Variants in METTL2B observed in about 807,000 individuals in gnomAD.
METTL2B encodes tRNA N(3)-cytidine methyltransferase METTL2B.
METTL2B carries 28 observed loss-of-function variants against 51.0 expected under a neutral mutation model. That is an observed-to-expected ratio of 0.55 (90% confidence interval 0.41 to 0.75). METTL2B has a LOEUF of 0.75. Ranked by LOEUF, METTL2B falls within the 30% of genes least tolerant of loss-of-function variation. The pLI is 0.00. For synonymous variants in METTL2B, 128 were observed against 166.3 expected (o/e 0.77, Z 1.77); for missense variants, 313 against 460.7 (o/e 0.68, Z 2.93).
chr7:128,485,744 T>A (rs1792690902), intron 4 of METTL2B, among the ~76,000 whole-genome samples: 2 of 151,170 alleles, frequency 1.3e-5, no homozygotes, highest in Admixed American at 1.3e-4. Context: ...GGCCAGAGGA[T>A]TGGTTGGGGC....
intron 2 of METTL2B, among the ~76,000 whole-genome samples, chr7:128,478,491 C>T (rs2116838990): frequency 6.7e-6 from 1 of 150,012 alleles, no homozygotes; most frequent in East Asian, 2.0e-4. Context: ...CCTCGTGATC[C>T]GCCCATCTTA....
intron 5 of METTL2B, among the ~76,000 whole-genome samples, chr7:128,490,182 A>G (rs1792803355): frequency 6.6e-6 from 1 of 152,208 alleles, no homozygotes. Context: ...TTTGATCTCA[A>G]TAAACCACTT....
At chr7:128,494,839 G>T (rs1184117674) in intron 6 of METTL2B, among the ~76,000 whole-genome samples, 2 of 150,944 alleles carry the variant, frequency 1.3e-5, no homozygotes, top group African/African-American at 4.9e-5. Flanking sequence ...TGTTGGCCAG[G>T]CTGGTCTTAA....
At chr7:128,498,513 G>A (rs1355104246) in intron 7 of METTL2B, among the ~76,000 whole-genome samples, 1 of 151,676 alleles carries the variant, frequency 6.6e-6, no homozygotes, top group Non-Finnish European at 1.5e-5. Flanking sequence ...AAAAAGGTAT[G>A]TGGCCACTAT....
At chr7:128,479,745 C>T (rs985880216) in intron 3 of METTL2B, among the ~76,000 whole-genome samples, 10 of 152,224 alleles carry the variant, frequency 6.6e-5, no homozygotes, top group Non-Finnish European at 1.2e-4. Context: ...TAGCATGTCA[C>T]TTCCAAAAAT....
chr7:128,477,283 A>T (rs1563025740), intron 2 of METTL2B, 110 bp downstream of exon 2: 1 of 1,441,220 alleles, frequency 6.9e-7, no homozygotes, highest in Non-Finnish European at 9.6e-7. Flanking sequence ...TCCTGGCCTG[A>T]TGCGGATCTC....
At chr7:128,483,158 A>G (rs948483835) in intron 4 of METTL2B, 3 of 152,196 alleles carry the variant, frequency 2.0e-5, no homozygotes, top group African/African-American at 7.2e-5. Context: ...GCCATTAATC[A>G]TCAATATCAT....
chr7:128,488,791 C>T (rs1388630492), intron 5 of METTL2B, among the ~76,000 whole-genome samples: 4 of 152,132 alleles, frequency 2.6e-5, no homozygotes, highest in Admixed American at 2.0e-4. Context: ...AAATTTAATA[C>T]ACAATTGCAT....
At chr7:128,499,052 C>T (rs1322265148) in intron 7 of METTL2B, among the ~76,000 whole-genome samples, 2 of 148,914 alleles carry the variant, frequency 1.3e-5, no homozygotes, top group Non-Finnish European at 1.5e-5. Context: ...TGTGGCATGA[C>T]AAAAGATGCC....
At chr7:128,494,864 A>G (rs1369145830) in intron 6 of METTL2B, among the ~76,000 whole-genome samples, 4 of 150,162 alleles carry the variant, frequency 2.7e-5, no homozygotes, top group East Asian at 2.0e-4. Context: ...TCACCTTGTG[A>G]TCTGCTTGCC....
chr7:128,479,385 T>C lies in METTL2B; in HGVS notation c.430T>C (p.Ser144Pro). Residue 144 changes from serine to proline, a missense_variant, in exon 3 of 9, where the codon TCT (serine) becomes CCT (proline). Transcript: ENST00000262432. ...AATAATGGAAGAACAGCACAAGTGT[T>C]CTTCGAAGAGCCTTGAACATAAAAC... ...GLIMEEQHKC[S>P]SKSLEHKTQT... 1.2e-6 allele frequency: 2 copies of C among 1,614,260 alleles called. No individual in the cohort carries two copies. The highest frequency in any genetic ancestry group is 1.7e-6 in the Non-Finnish European group (2 of 1,180,044).
At chr7:128,481,895 C>T (rs1799876882) in intron 4 of METTL2B, among the ~76,000 whole-genome samples, 2 of 152,210 alleles carry the variant, frequency 1.3e-5, no homozygotes, top group African/African-American at 4.8e-5. Flanking sequence ...CCTCTTGCCT[C>T]GGCCTCCCAA....
At chr7:128,494,027 C>T (rs1318309803) in intron 6 of METTL2B, 84 bp downstream of exon 6, 8 of 1,520,706 alleles carry the variant, frequency 5.3e-6, no homozygotes, top group African/African-American at 2.8e-5. Flanking sequence ...GGTCTTGCTC[C>T]GTCAGCCCAG....
In METTL2B at chr7:128,505,120, T is replaced by C; in HGVS notation, c.*3204T>C. On this transcript the variant is annotated 3_prime_UTR_variant, in exon 9 of 9. Coordinates refer to ENST00000262432, the MANE Select transcript of METTL2B (RefSeq NM_018396.3). ...CTCAAAAAAAAAAAAAAAAAAAAAT[T>C]AGCTGGGCATGGTGGTGGGCGCCTG... 1.3e-5 allele frequency: 1 copy of C among 78,826 alleles called. No individual in the cohort carries two copies. The highest frequency in any genetic ancestry group is 1.5e-4 in the Admixed American group (1 of 6,762). The allele number at this position is 78,826 out of a possible 1,614,324, so 4.9% of individuals were successfully genotyped here.
rs1461806180 is a variant in METTL2B at position 128,505,634 on chromosome 7, C to T, written c.*3718C>T. ...GTGCTTTGAGACTAAATATCCTGTT[C>T]CTCATCAAACTTCTACCCCCTAGTT... On this transcript the variant is annotated 3_prime_UTR_variant, in exon 9 of 9. Coordinates refer to ENST00000262432, the MANE Select transcript of METTL2B (RefSeq NM_018396.3). The T allele has an allele frequency of 6.6e-6, 1 of 152,196 alleles. No individual in the cohort carries two copies. Among genetic ancestry groups the T allele is most frequent in the African/African-American group, 2.4e-5 (1 of 41,446 alleles). 9.4% of individuals were successfully genotyped at this position (152,196 alleles called of 1,614,324 possible).
intron 2 of METTL2B, among the ~76,000 whole-genome samples, chr7:128,478,923 T>C (rs1377375428): frequency 6.6e-6 from 1 of 152,162 alleles, no homozygotes; most frequent in Non-Finnish European, 1.5e-5. Context: ...GTAAGTTCTC[T>C]GGTTGATTGT....
chr7:128,478,493 C>T (rs1445162222), intron 2 of METTL2B, among the ~76,000 whole-genome samples: 3 of 150,178 alleles, frequency 2.0e-5, no homozygotes, highest in Non-Finnish European at 4.4e-5. Flanking sequence ...TCGTGATCCG[C>T]CCATCTTAGC....
At chr7:128,485,412 C>G (rs1792682681) in intron 4 of METTL2B, among the ~76,000 whole-genome samples, 1 of 152,112 alleles carries the variant, frequency 6.6e-6, no homozygotes, top group East Asian at 1.9e-4. Flanking sequence ...GCCTGTAATC[C>G]CAGCACTTTG....
intron 7 of METTL2B, among the ~76,000 whole-genome samples, chr7:128,500,637 A>G (rs1793011856): frequency 7.3e-6 from 1 of 137,134 alleles, no homozygotes; most frequent in African/African-American, 2.5e-5. Flanking sequence ...AAATAAATAA[A>G]TAAAAAGTTT....
Sources: gnomAD v4.1 joint callset for allele counts (sites outside exome capture counted in the v4.1 genomes callset) on GRCh38, gnomAD v4.1.1 for gene constraint, MANE v1.5 for transcripts, NCBI Gene and HGNC (gene_info 2026-07-23, HGNC 2026-07-21) for gene names.